The following CERK variants were observed in gnomAD, a reference collection of about 807,000 sequenced individuals.
CERK encodes the protein acylsphingosine kinase.
CERK carries 39 observed loss-of-function variants against 63.4 expected under a neutral mutation model. That is an observed-to-expected ratio of 0.61 (90% CI 0.48 to 0.80). CERK has a LOEUF of 0.80. CERK is among the 30% of genes least tolerant of loss of function. The probability of loss-of-function intolerance (pLI) is 0.00; values close to 1 mark genes in which losing one functional copy is unlikely to be tolerated. For synonymous variants in CERK, 302 were observed against 280.0 expected (o/e 1.08, Z -0.78); for missense variants, 670 against 714.1 (o/e 0.94, Z 0.70).
At chr22:46,718,929 G>A (rs1015449687) in intron 3 of CERK, among the ~76,000 whole-genome samples, 11 of 152,148 alleles carry the variant, frequency 7.2e-5, no homozygotes, top group Admixed American at 1.3e-4. Context: ...TTAGCCAGGC[G>A]TGGTGGCACA....
chr22:46,689,126 C>T (rs1427154340), intron 12 of CERK, among the ~76,000 whole-genome samples: 1 of 152,254 alleles, frequency 6.6e-6, no homozygotes, highest in Admixed American at 6.5e-5. Flanking sequence ...GGAGACCGAA[C>T]ATCCGTGTGT....
At position 46,692,884 on chromosome 22, in the gene CERK, G is replaced by A. The variant is rs1453011294; in HGVS notation, c.1126+543C>T. On this transcript the variant is annotated intron_variant, in intron 10 of 12. Coordinates refer to ENST00000216264, the MANE Select transcript of CERK (RefSeq NM_022766.6). ...TGTGCCCCTGCACTCTAGCCTGGGC[G>A]ACAAGAGTGAAACTCCATCCAAAAA... Among the ~76,000 whole-genome samples the A allele has an allele frequency of 3.9e-5, 5 of 127,680 alleles. No individual in the cohort carries two copies. The East Asian group carries it at 6.5e-4, about 17-fold the overall frequency. 83.8% of individuals were successfully genotyped at this position (127,680 alleles called of 152,430 possible). A position where few individuals can be genotyped will look rare whatever the true frequency, so the allele number is the denominator to read the frequency against.
At chr22:46,719,673 AAAAAG>A (rs531707401) in intron 3 of CERK, among the ~76,000 whole-genome samples, 16 of 152,326 alleles carry the variant, frequency 1.1e-4, no homozygotes, top group South Asian at 1.0e-3. Context: ...CTCCATCTTG[AAAAAG>A]AAAAGAAAAG....
intron 6 of CERK, among the ~76,000 whole-genome samples, chr22:46,704,029 C>T (rs954179072): frequency 4.6e-5 from 7 of 152,258 alleles, no homozygotes; most frequent in Admixed American, 4.6e-4. Flanking sequence ...TCTCCCCAGA[C>T]CCTCCCCCAG....
At chr22:46,727,236 G>C (rs1387856856) in intron 1 of CERK, among the ~76,000 whole-genome samples, 1 of 151,640 alleles carries the variant, frequency 6.6e-6, no homozygotes, top group Admixed American at 6.6e-5. Flanking sequence ...CATAAAATGT[G>C]ACCTTTGACC....
intron 1 of CERK, among the ~76,000 whole-genome samples, chr22:46,737,452 A>G (rs2082980394): frequency 6.6e-6 from 1 of 152,160 alleles, no homozygotes; most frequent in South Asian, 2.1e-4. Flanking sequence ...CAAGTAGCCA[A>G]CCCGTGGCAC....
chr22:46,711,051 A>G (rs1385114618), intron 5 of CERK, 35 bp downstream of exon 5: 2 of 1,574,326 alleles, frequency 1.3e-6, no homozygotes. Context: ...TTCATTAACA[A>G]TGGACTTGAT....
At chr22:46,697,643 C>A (rs1432174016) in intron 8 of CERK, among the ~76,000 whole-genome samples, 1 of 152,158 alleles carries the variant, frequency 6.6e-6, no homozygotes, top group Non-Finnish European at 1.5e-5. Context: ...GGAGCTGTGA[C>A]TATAGGTGTG....
In CERK at chr22:46,707,857, C is replaced by A. The variant is rs758508505; in HGVS notation, c.701G>T (p.Gly234Val). The stretch of plus-strand genomic sequence containing the variant: ...CGGCTCCATACCTGCGGGAATGATT[C>A]CAATCCGGAGGCTACTGGGGACCAG... ...AVLVPSSLRIGIIPAGSTDCV... is the reference protein window; with the variant it reads ...AVLVPSSLRIVIIPAGSTDCV... The change falls in exon 6 of 13, where the codon GGA (glycine) becomes GTA (valine). Residue 234 changes from glycine to valine, a missense_variant. Gly to Val is a moderately radical substitution (Grantham distance 109). Transcript: ENST00000216264. The A allele has an allele frequency of 1.2e-6, 2 of 1,610,800 alleles. No homozygotes were observed. The highest frequency in any genetic ancestry group is 1.7e-4 in the Middle Eastern group (1 of 6,050).
At chr22:46,687,614 C>G (rs1028086585) in intron 12 of CERK, among the ~76,000 whole-genome samples, 1 of 144,860 alleles carries the variant, frequency 6.9e-6, no homozygotes, top group African/African-American at 2.5e-5. Flanking sequence ...CTCAGCAGTA[C>G]TGAGCGCGCA....
chr22:46,705,375 C>G (rs1208338589), intron 6 of CERK, among the ~76,000 whole-genome samples: 1 of 152,188 alleles, frequency 6.6e-6, no homozygotes, highest in African/African-American at 2.4e-5. Context: ...CTGGGTCATT[C>G]AAAGAATCGG....
intron 6 of CERK, among the ~76,000 whole-genome samples, chr22:46,702,977 C>T (rs1601715353): frequency 2.0e-5 from 3 of 152,156 alleles, no homozygotes; most frequent in South Asian, 4.1e-4. Flanking sequence ...CACATGCTCC[C>T]GTTCACGCGA....
At chr22:46,732,143 C>T (rs963322574) in intron 1 of CERK, among the ~76,000 whole-genome samples, 3 of 152,082 alleles carry the variant, frequency 2.0e-5, no homozygotes, top group Non-Finnish European at 2.9e-5. Flanking sequence ...GTGTGGGATC[C>T]GGACAGCCGA....
intron 1 of CERK, among the ~76,000 whole-genome samples, chr22:46,726,780 G>A (rs5767334): frequency 0.46 from 66,033 of 143,828 alleles, 16,827 homozygotes; most frequent in Non-Finnish European, 0.57. Flanking sequence ...GCCCCTCCCC[G>A]CCCACCACGT....
At chr22:46,722,155 T>C (rs2082895447) in intron 1 of CERK, among the ~76,000 whole-genome samples, 1 of 152,224 alleles carries the variant, frequency 6.6e-6, no homozygotes, top group Admixed American at 6.5e-5. Context: ...CTAGGTTGGC[T>C]ATAAAACCTG....
chr22:46,704,746 A>AC (rs2082804645), intron 6 of CERK, among the ~76,000 whole-genome samples: 1 of 146,790 alleles, frequency 6.8e-6, no homozygotes, highest in South Asian at 2.2e-4. Flanking sequence ...AATTGCTTGA[A>AC]CCCAGGAGGC....
intron 3 of CERK, among the ~76,000 whole-genome samples, chr22:46,716,350 T>C (rs146976061): frequency 0.031 from 4,675 of 151,692 alleles, 243 homozygotes; most frequent in African/African-American, 0.11. Flanking sequence ...GCCACCATGC[T>C]TGGCTAAGTT....
chr22:46,713,508 CAAAAAAAAAAAAAA>C (rs34168827), intron 3 of CERK, among the ~76,000 whole-genome samples: 1 of 74,292 alleles, frequency 1.3e-5, no homozygotes, highest in Non-Finnish European at 2.6e-5. Context: ...GACTTCATCT[CAAAAAAAAAAAAAA>C]AAAAAAACAA....
In CERK at chr22:46,691,688, C is replaced by A; in HGVS notation, c.1216G>T (p.Gly406Cys). 1 of 1,613,944 alleles carries A rather than the reference C, an allele frequency of 6.2e-7. No homozygotes were observed. The highest frequency in any genetic ancestry group is 8.5e-7 in the Non-Finnish European group (1 of 1,179,988). Residue 406 changes from glycine to cysteine, a missense_variant, in exon 11 of 13, where the codon GGC becomes TGC. Gly to Cys is a radical substitution (Grantham distance 159). Coordinates refer to ENST00000216264, the MANE Select transcript of CERK (RefSeq NM_022766.6). ...CCCAAGTGGGCAGCCGGGGAGAGGC[C>A]CCTGGGGCTCCGGCGACAAGCACAG... The part of the protein sequence containing the change: ...MSCACRRSPR[G>C]LSPAAHLGDG...
Sources: allele counts gnomAD v4.1 joint callset (sites outside exome capture counted in the v4.1 genomes callset), GRCh38; gene constraint gnomAD v4.1.1; transcripts MANE v1.5; gene names NCBI Gene and HGNC (gene_info 2026-07-23, HGNC 2026-07-21).